The following CELA2A variants were observed in gnomAD, a reference collection of about 807,000 sequenced individuals.
CELA2A encodes chymotrypsin like elastase 2A.
Under a neutral mutation model 35.3 loss-of-function variants are expected in CELA2A, and 31 were observed. The observed-to-expected ratio is 0.88, with a 90% CI of 0.66 to 1.19. The LOEUF (loss-of-function observed/expected upper bound fraction) is 1.19, where lower values mean the gene tolerates loss of function less well. CELA2A is among the 50% of genes most tolerant of loss of function. The pLI, the probability that CELA2A is intolerant of heterozygous loss-of-function variation, is 0.00. For missense variants in CELA2A, 330 were observed against 352.9 expected (o/e 0.94, Z 0.52); for synonymous variants, 150 against 149.8 (o/e 1.00, Z -0.01).
intron 5 of CELA2A, among the ~76,000 whole-genome samples, chr1:15,464,675 G>A (rs189417768): frequency 3.7e-4 from 57 of 152,248 alleles, no homozygotes; most frequent in African/African-American, 1.3e-3. Flanking sequence ...TGCGGTGAGC[G>A]GTGGTGGAAG....
intron 2 of CELA2A, among the ~76,000 whole-genome samples, chr1:15,459,606 G>A (rs1708406564): frequency 6.6e-6 from 1 of 152,194 alleles, no homozygotes; most frequent in Admixed American, 6.5e-5. Context: ...GCGCATTTGT[G>A]CTAAGAACTA....
chr1:15,459,277 C>A (rs1347732922), intron 2 of CELA2A, among the ~76,000 whole-genome samples: 1 of 152,018 alleles, frequency 6.6e-6, no homozygotes, highest in Non-Finnish European at 1.5e-5. Context: ...ATCCTCCCAC[C>A]TCAGCCTCCC....
intron 3 of CELA2A, chr1:15,461,903 A>G (rs908431274): frequency 5.9e-6 from 4 of 675,048 alleles, no homozygotes; most frequent in Non-Finnish European, 1.1e-5. Context: ...GGGAAGGCCC[A>G]ATCTCTGCCC....
At position 15,459,751 on chromosome 1, in the gene CELA2A, T is replaced by C. The variant is rs748320808; in HGVS notation, c.130-1810T>C. Among the ~76,000 whole-genome samples the C allele has an allele frequency of 6.6e-5, 10 of 152,236 alleles. No individual in the cohort carries two copies. In the East Asian group the frequency reaches 1.9e-3, roughly 29 times the overall value. On this transcript the variant is annotated intron_variant, in intron 2 of 7. Transcript: ENST00000359621. ...TTTCCCTGCGGAAATAAGGCAGATCTAGCTGGGTGGGGACTCAGATGAGGC... is the reference window on the plus strand; with the variant it reads ...TTTCCCTGCGGAAATAAGGCAGATCCAGCTGGGTGGGGACTCAGATGAGGC...
chr1:15,462,991 C>T, intron 4 of CELA2A, 130 bp downstream of exon 4: 2 of 1,362,860 alleles, frequency 1.5e-6, no homozygotes, highest in Non-Finnish European at 2.1e-6. Context: ...GGAGCTCTGG[C>T]CTCTTAGATG....
chr1:15,464,095 C>T (rs192660171), intron 5 of CELA2A, among the ~76,000 whole-genome samples: 16 of 152,208 alleles, frequency 1.1e-4, no homozygotes, highest in Admixed American at 9.8e-4. Flanking sequence ...ACAGAGTTGT[C>T]ACGAGGATTA....
chr1:15,467,112 G>A (rs1428016275), intron 6 of CELA2A, among the ~76,000 whole-genome samples: 6 of 152,170 alleles, frequency 3.9e-5, no homozygotes, highest in East Asian at 1.9e-4. Flanking sequence ...CTCCTCTTCC[G>A]TGGCCTGGGG....
chr1:15,468,050 C>T (rs1343342119), intron 7 of CELA2A, among the ~76,000 whole-genome samples: 2 of 145,004 alleles, frequency 1.4e-5, no homozygotes, highest in East Asian at 4.1e-4. Flanking sequence ...CAAAATTGCA[C>T]CATTGCACTC....
intron 5 of CELA2A, among the ~76,000 whole-genome samples, chr1:15,464,027 G>C (rs1207788111): frequency 1.3e-5 from 2 of 152,096 alleles, no homozygotes; most frequent in Admixed American, 1.3e-4. Flanking sequence ...ACTCCAGCCT[G>C]GGGGACAGAG....
Position 15,463,430 on chromosome 1 carries a change from C to T in CELA2A, c.401C>T (p.Thr134Ile), listed in dbSNP as rs1418685640. 1 of 1,614,006 alleles carries T rather than the reference C, an allele frequency of 6.2e-7. No individual in the cohort carries two copies. Among genetic ancestry groups the T allele is most frequent in the Non-Finnish European group, 8.5e-7 (1 of 1,179,910 alleles). The change falls in exon 5 of 8, where the codon ACC becomes ATC. Residue 134 changes from threonine to isoleucine, a missense_variant. Coordinates refer to ENST00000359621, the MANE Select transcript of CELA2A (RefSeq NM_033440.3). Reference sequence around the variant, plus strand: ...AAACTGGCTAACCCCGTCTCCCTCACCGACAAGATCCAGCTGGCCTGCCTC... The same window carrying T: ...AAACTGGCTAACCCCGTCTCCCTCATCGACAAGATCCAGCTGGCCTGCCTC... ...LLKLANPVSL[T>I]DKIQLACLPP...
In CELA2A at chr1:15,461,449, C is replaced by A. The variant is rs745750719; in HGVS notation, c.130-112C>A. On this transcript the variant is annotated intron_variant, in intron 2 of 7. Transcript: ENST00000359621. ...GCTGCCTTAAGTTGTGCACATGAGG[C>A]GACTGCCTCACTCCCCCTTACCCTT... 5 of 1,103,108 alleles carry A rather than the reference C, an allele frequency of 4.5e-6. No individual in the cohort carries two copies. The East Asian group carries it at 9.7e-5, about 21-fold the overall frequency. 68.3% of individuals were successfully genotyped at this position (1,103,108 alleles called of 1,614,324 possible).
chr1:15,471,900 G>A (rs1418808319), intron 7 of CELA2A, 90 bp from the exon 8 acceptor site: 6 of 1,528,842 alleles, frequency 3.9e-6, no homozygotes, highest in Non-Finnish European at 5.4e-6. Flanking sequence ...ACTCACATGA[G>A]TAGCTTAGCC....
intron 5 of CELA2A, among the ~76,000 whole-genome samples, chr1:15,465,003 C>CTTTT (rs34001591): frequency 5.2e-5 from 4 of 77,406 alleles, no homozygotes; most frequent in African/African-American, 9.3e-5. Context: ...CTTAACTTCC[C>CTTTT]TTTTTTTTTT....
chr1:15,461,739 A>G (rs1708437937), intron 3 of CELA2A, 81 bp downstream of exon 3: 2 of 1,525,602 alleles, frequency 1.3e-6, no homozygotes, highest in Non-Finnish European at 1.8e-6. Context: ...GGCCTGAACC[A>G]TGCTACATAA....
At chr1:15,460,824 G>A (rs1314593579) in intron 2 of CELA2A, among the ~76,000 whole-genome samples, 1 of 151,174 alleles carries the variant, frequency 6.6e-6, no homozygotes, top group South Asian at 2.1e-4. Context: ...GGCATGCACC[G>A]CCGCACCCAG....
At chr1:15,463,098 T>C (rs889492833) in intron 4 of CELA2A, 141 of 731,664 alleles carry the variant, frequency 1.9e-4, no homozygotes, top group Non-Finnish European at 2.9e-4. Context: ...CAGTTACACC[T>C]GCAGGGCCCC....
In CELA2A at chr1:15,467,417, C is replaced by T. The variant is rs149636986; in HGVS notation, c.671C>T (p.Ala224Val). 8.1e-6 allele frequency: 13 copies of T among 1,613,714 alleles called. No homozygotes were observed. Among genetic ancestry groups the T allele is most frequent in the Middle Eastern group, 3.3e-4 (2 of 6,082 alleles). ...GDSGGPLNCQ[A>V]SDGRWQVHGI... ...TCTGGCGGGCCACTGAACTGTCAGGCGTCTGACGGCCGGTGGCAGGTGCAC... is the reference window on the plus strand; with the variant it reads ...TCTGGCGGGCCACTGAACTGTCAGGTGTCTGACGGCCGGTGGCAGGTGCAC... The change falls in exon 7 of 8, where the codon GCG becomes GTG. Residue 224 changes from alanine to valine, a missense_variant. Physicochemically the swap from Ala to Val is moderately conservative, Grantham distance 64. Transcript: ENST00000359621.
Position 15,461,566 on chromosome 1 carries a change from C to T in CELA2A, c.135C>T (p.Ser45=). 6.2e-7 allele frequency: 1 copy of T among 1,612,158 alleles called. No individual in the cohort carries two copies. Among genetic ancestry groups the T allele is most frequent in the Non-Finnish European group, 8.5e-7 (1 of 1,179,912 alleles). ...GCTCCTTTGCTTCTCCCCAGGTCTCCCTGCAGTACAGCTCCAATGGCAAGT... is the reference window on the plus strand; with the variant it reads ...GCTCCTTTGCTTCTCCCCAGGTCTCTCTGCAGTACAGCTCCAATGGCAAGT... ...ARPNSWPWQV[S]LQYSSNGKWY... is the part of the protein sequence containing the mutation. The change falls in exon 3 of 8, where the codon TCC becomes TCT. Residue 45 remains serine (S), a synonymous_variant. Transcript: ENST00000359621.
chr1:15,468,055 G>A (rs1205444401), intron 7 of CELA2A, among the ~76,000 whole-genome samples: 1 of 137,786 alleles, frequency 7.3e-6, no homozygotes, highest in Non-Finnish European at 1.5e-5. Context: ...TTGCACCATT[G>A]CACTCCAGCC....
Sources: allele counts gnomAD v4.1 joint callset (sites outside exome capture counted in the v4.1 genomes callset), GRCh38; gene constraint gnomAD v4.1.1; transcripts MANE v1.5; gene names NCBI Gene and HGNC (gene_info 2026-07-23, HGNC 2026-07-21).